The following LRPPRC variants were observed in gnomAD, a reference collection of about 807,000 sequenced individuals.
LRPPRC encodes the protein leucine rich pentatricopeptide repeat containing.
Under a neutral mutation model 180.3 loss-of-function variants are expected in LRPPRC, and 120 were observed. That is an observed-to-expected ratio of 0.67 (90% CI 0.57 to 0.77). The LOEUF (loss-of-function observed/expected upper bound fraction) is 0.77. Ranked by LOEUF, LRPPRC falls within the 30% of genes least tolerant of loss-of-function variation. LRPPRC has a pLI of 0.00. For synonymous variants in LRPPRC, 723 were observed against 600.0 expected (o/e 1.21, Z -3.00); for missense variants, 2,012 against 1,657.2 (o/e 1.21, Z -3.72).
chr2:43,913,189 A>C (rs889703714), intron 29 of LRPPRC, among the ~76,000 whole-genome samples: 1 of 152,206 alleles, frequency 6.6e-6, no homozygotes, highest in Non-Finnish European at 1.5e-5. Context: ...TAACAGTTTT[A>C]TTTCACTTGT....
chr2:43,899,576 A>G lies in LRPPRC; in HGVS notation c.3599T>C (p.Ile1200Thr). The G allele has an allele frequency of 6.2e-7, 1 of 1,610,840 alleles. No homozygotes were observed. The highest frequency in any genetic ancestry group is 8.5e-7 in the Non-Finnish European group (1 of 1,177,086). ...NNNIDAAIEN[I>T]ENMLTSENKV... ...ATTCTCTGAAGTAAGCATATTTTCA[A>G]TGTTTTCTATTGCGGCATCTATGTT... Residue 1200 changes from isoleucine to threonine, a missense_variant, in exon 33 of 38, where the codon ATT becomes ACT. Coordinates refer to ENST00000260665, the MANE Select transcript of LRPPRC (RefSeq NM_133259.4).
chr2:43,919,588 C>G (rs934953273), intron 27 of LRPPRC, among the ~76,000 whole-genome samples: 1 of 152,126 alleles, frequency 6.6e-6, no homozygotes, highest in Non-Finnish European at 1.5e-5. Flanking sequence ...CATTTCCTTT[C>G]ATGTGGTAAT....
At chr2:43,964,205 T>C (rs1459129706) in intron 11 of LRPPRC, among the ~76,000 whole-genome samples, 1 of 152,206 alleles carries the variant, frequency 6.6e-6, no homozygotes. Flanking sequence ...AGAGAACAAT[T>C]TAATGAATTA....
intron 15 of LRPPRC, among the ~76,000 whole-genome samples, chr2:43,950,131 TAAC>T (rs1159277130): frequency 1.3e-5 from 2 of 152,224 alleles, no homozygotes; most frequent in Non-Finnish European, 2.9e-5. Context: ...AGATATTTAA[TAAC>T]AACTTCCATT....
Position 43,995,716 on chromosome 2 carries a change from C to T in LRPPRC, c.149+83G>A, listed in dbSNP as rs560971852. Reference sequence around the variant, plus strand: ...CGGGGAGAAGGGTGGCGAGCACAGGCAGGACCCGGTCCCTGCCGGCACCCA... The same window carrying T: ...CGGGGAGAAGGGTGGCGAGCACAGGTAGGACCCGGTCCCTGCCGGCACCCA... On this transcript the variant is annotated intron_variant, in intron 1 of 37. Transcript: ENST00000260665. The T allele has an allele frequency of 1.1e-3, 1,405 of 1,258,266 alleles. 14 individuals carry two copies. The African/African-American group carries it at 0.02, about 18-fold the overall frequency. The allele number at this position is 1,258,266 out of a possible 1,614,324, so 77.9% of individuals were successfully genotyped here.
At chr2:43,982,710 G>C (rs1159181418) in intron 1 of LRPPRC, among the ~76,000 whole-genome samples, 1 of 152,166 alleles carries the variant, frequency 6.6e-6, no homozygotes, top group African/African-American at 2.4e-5. Flanking sequence ...AAATCAGATG[G>C]AAATACAGTG....
At position 43,948,881 on chromosome 2, in the gene LRPPRC, GT is replaced by G. The variant is rs369333710; in HGVS notation, c.1736-364del. Among the ~76,000 whole-genome samples the G allele has an allele frequency of 6.6e-3, 960 of 146,422 alleles. 10 individuals are homozygous for G. The highest frequency in any genetic ancestry group is 0.022 in the African/African-American group (891 of 40,186). On this transcript the variant is annotated intron_variant, in intron 16 of 37. Coordinates refer to ENST00000260665, the MANE Select transcript of LRPPRC (RefSeq NM_133259.4). ...AATGTCTTGTACACATTTCTATACT[GT>G]TTTTTTTTTGTGGACAATATTTAGG...
intron 11 of LRPPRC, among the ~76,000 whole-genome samples, chr2:43,970,893 G>A (rs1417914166): frequency 6.6e-6 from 1 of 152,186 alleles, no homozygotes; most frequent in Non-Finnish European, 1.5e-5. Flanking sequence ...GAGGTCAGGA[G>A]TTTGAGACCA....
In LRPPRC at chr2:43,887,625, G is replaced by T. The variant is rs1670314577; in HGVS notation, c.*975C>A. 6.6e-6 allele frequency: 1 copy of T among 152,158 alleles called. No homozygotes were observed. Among genetic ancestry groups the T allele is most frequent in the African/African-American group, 2.4e-5 (1 of 41,434 alleles). The allele number at this position is 152,158 out of a possible 1,614,324, so 9.4% of individuals were successfully genotyped here. On this transcript the variant is annotated 3_prime_UTR_variant, in exon 38 of 38. Coordinates refer to ENST00000260665, the MANE Select transcript of LRPPRC (RefSeq NM_133259.4). ...TCGGTAATTAATTACCTCATCTCCAGTTAGGTCAATATTCCATATTATTAA... is the reference window on the plus strand; with the variant it reads ...TCGGTAATTAATTACCTCATCTCCATTTAGGTCAATATTCCATATTATTAA...
intron 11 of LRPPRC, among the ~76,000 whole-genome samples, chr2:43,964,178 A>T (rs1673464774): frequency 6.6e-6 from 1 of 152,236 alleles, no homozygotes; most frequent in African/African-American, 2.4e-5. Flanking sequence ...TTTACAATGT[A>T]AGAAGGAAAA....
intron 29 of LRPPRC, among the ~76,000 whole-genome samples, chr2:43,917,722 G>A (rs1671524727): frequency 6.6e-6 from 1 of 152,082 alleles, no homozygotes; most frequent in Admixed American, 6.5e-5. Context: ...CCAGAAGGCG[G>A]AGCTTGCAGT....
At position 43,976,980 on chromosome 2, in the gene LRPPRC, A is replaced by AT; in HGVS notation, c.650+13dup. ...CAAATTTGTTCGCTTAAACATGTTC[A>AT]TACAGATCCATACCTGGCACCTTCA... On this transcript the variant is annotated intron_variant, in intron 5 of 37. Transcript: ENST00000260665. The AT allele has an allele frequency of 6.2e-7, 1 of 1,608,074 alleles. No homozygotes were observed. The highest frequency in any genetic ancestry group is 1.3e-5 in the African/African-American group (1 of 74,948).
At chr2:43,976,880 G>A (rs1239398928) in intron 5 of LRPPRC, 114 bp downstream of exon 5, 1 of 823,912 alleles carries the variant, frequency 1.2e-6, no homozygotes, top group East Asian at 2.6e-5. Flanking sequence ...GATTAAAACA[G>A]TTCTGAAACA....
At chr2:43,971,655 C>G (rs1406675500) in intron 11 of LRPPRC, among the ~76,000 whole-genome samples, 34 of 151,880 alleles carry the variant, frequency 2.2e-4, no homozygotes, top group Non-Finnish European at 5.0e-4. Flanking sequence ...CACAGCACAT[C>G]CTCCATCACT....
At chr2:43,994,564 T>A (rs6726459) in intron 1 of LRPPRC, among the ~76,000 whole-genome samples, 85,806 of 152,066 alleles carry the variant, frequency 0.56, 25,237 homozygotes, top group African/African-American at 0.61. Flanking sequence ...ATGCAGATAA[T>A]TTGAGGATAA....
chr2:43,995,714 G>A (rs559043547), intron 1 of LRPPRC, 85 bp downstream of exon 1: 1 of 1,247,526 alleles, frequency 8.0e-7, no homozygotes, highest in African/African-American at 1.6e-5. Context: ...GGCGAGCACA[G>A]GCAGGACCCG....
At chr2:43,914,728 C>CA (rs540336969) in intron 29 of LRPPRC, among the ~76,000 whole-genome samples, 70 of 146,538 alleles carry the variant, frequency 4.8e-4, no homozygotes, top group Admixed American at 1.0e-3. Context: ...CATTCTGCCT[C>CA]AAAAAAAAAG....
At chr2:43,991,152 C>T (rs1252799777) in intron 1 of LRPPRC, among the ~76,000 whole-genome samples, 1 of 152,014 alleles carries the variant, frequency 6.6e-6, no homozygotes, top group South Asian at 2.1e-4. Context: ...ACCTCAGCCT[C>T]CCGAGTAGCT....
At chr2:43,968,359 A>G (rs1673650851) in intron 11 of LRPPRC, among the ~76,000 whole-genome samples, 1 of 152,230 alleles carries the variant, frequency 6.6e-6, no homozygotes, top group African/African-American at 2.4e-5. Context: ...TTTCTGACCT[A>G]TAAGAGTCTA....
Sources: allele counts gnomAD v4.1 joint callset (sites outside exome capture counted in the v4.1 genomes callset), GRCh38; gene constraint gnomAD v4.1.1; transcripts MANE v1.5; gene names NCBI Gene and HGNC (gene_info 2026-07-23, HGNC 2026-07-21).